The following CNNM4 variants were observed in gnomAD, a reference collection of about 807,000 sequenced individuals.
CNNM4 encodes the protein metal transporter CNNM4.
CNNM4 carries 32 observed loss-of-function variants against 53.7 expected under a neutral mutation model. The ratio of observed to expected loss-of-function variants is 0.60; its 90% confidence interval spans 0.45 to 0.80. The LOEUF (loss-of-function observed/expected upper bound fraction) is 0.80. Among genes scored for constraint, CNNM4 ranks in the 30% least tolerant of loss-of-function variants. The pLI is 0.00. For missense variants in CNNM4, 784 were observed against 1,022.0 expected (o/e 0.77, Z 3.17); for synonymous variants, 410 against 440.0 (o/e 0.93, Z 0.85).
chr2:96,798,062 G>A (rs1429426431), intron 3 of CNNM4, among the ~76,000 whole-genome samples: 2 of 152,026 alleles, frequency 1.3e-5, no homozygotes, highest in African/African-American at 2.4e-5. Context: ...GTGCCCTCCT[G>A]TAGTCCCAGC....
intron 1 of CNNM4, among the ~76,000 whole-genome samples, chr2:96,771,184 T>G (rs1466291924): frequency 7.2e-5 from 11 of 152,082 alleles, no homozygotes; most frequent in African/African-American, 2.7e-4. Flanking sequence ...CTCACCAGAA[T>G]GTACTGTCGT....
chr2:96,794,276 G>T (rs967683322), intron 1 of CNNM4, among the ~76,000 whole-genome samples: 1 of 152,028 alleles, frequency 6.6e-6, no homozygotes, highest in African/African-American at 2.4e-5. Context: ...TCTCAGTTTT[G>T]TTTTTAAATT....
intron 1 of CNNM4, among the ~76,000 whole-genome samples, chr2:96,783,867 G>A (rs1229986165): frequency 6.6e-6 from 1 of 152,024 alleles, no homozygotes; most frequent in African/African-American, 2.4e-5. Context: ...TTAGTGACAT[G>A]GGAAAATACA....
chr2:96,761,716 C>T lies in CNNM4; in HGVS notation c.717C>T (p.Gly239=), dbSNP rs1253051706. The change falls in exon 1 of 7, where the codon GGC becomes GGT. Residue 239 remains glycine (G), a synonymous_variant. Transcript: ENST00000377075. This position sits in a 1 kb window ranked among gnomAD's most constrained non-coding sequence, Gnocchi z 6.0. ...AGATTGAGCCCATCCGGCGCAAGGG[C>T]AACTACCTTCTCTGCTCGTTGCTCC... ...ARKIEPIRRK[G]NYLLCSLLLG... 6.2e-7 allele frequency: 1 copy of T among 1,609,624 alleles called. No individual in the cohort carries two copies. Among genetic ancestry groups the T allele is most frequent in the East Asian group, 2.2e-5 (1 of 44,884 alleles).
chr2:96,793,860 C>T (rs2079081889), intron 1 of CNNM4, among the ~76,000 whole-genome samples: 1 of 152,140 alleles, frequency 6.6e-6, no homozygotes, highest in Admixed American at 6.5e-5. Flanking sequence ...GAGGCTGAGG[C>T]AGGAGAATCG....
chr2:96,784,466 T>A (rs975134533), intron 1 of CNNM4, among the ~76,000 whole-genome samples: 1 of 152,166 alleles, frequency 6.6e-6, no homozygotes, highest in Non-Finnish European at 1.5e-5. Context: ...ATTAGATTAT[T>A]ATCTCTACTT....
chr2:96,767,866 T>A (rs2078832413), intron 1 of CNNM4, among the ~76,000 whole-genome samples: 1 of 152,214 alleles, frequency 6.6e-6, no homozygotes, highest in South Asian at 2.1e-4. Context: ...GGCTAGGAGT[T>A]CGAGACCAGC....
intron 1 of CNNM4, among the ~76,000 whole-genome samples, chr2:96,787,968 G>T (rs2079029041): frequency 6.6e-6 from 1 of 152,252 alleles, no homozygotes; most frequent in Non-Finnish European, 1.5e-5. Flanking sequence ...TGTTGCCCAG[G>T]CTGGAGTGCA....
Position 96,810,900 on chromosome 2 carries a change from CA to C in CNNM4, c.*1384del, listed in dbSNP as rs1417687824. On this transcript the variant is annotated 3_prime_UTR_variant, in exon 7 of 7. Transcript: ENST00000377075. This position sits in a 1 kb window ranked among gnomAD's most constrained non-coding sequence, Gnocchi z 4.1. ...TGGCGCCTCTTCCCTGGGGCTGAAT[CA>C]GGCCCTGCTGCAAAACTCCAGGCTT... 2 of 152,370 alleles carry C rather than the reference CA, an allele frequency of 1.3e-5. No homozygotes were observed. The highest frequency in any genetic ancestry group is 4.8e-5 in the African/African-American group (2 of 41,458). 9.4% of individuals were successfully genotyped at this position (152,370 alleles called of 1,614,324 possible). A position where few individuals can be genotyped will look rare whatever the true frequency, so the allele number is the denominator to read the frequency against.
rs2079155573 is a variant in CNNM4, at chr2:96,801,321, C to G, written c.1948+1673C>G. On this transcript the variant is annotated intron_variant, in intron 5 of 6. Transcript: ENST00000377075. The surrounding 1 kb of genome is among the most constrained non-coding windows in gnomAD (Gnocchi z 5.6). ...TGCTGCCTCAGCTCTAGAAGGGGCC[C>G]CCAAAGATCTCTTGGTGCTTGAGAT... 6.6e-6 allele frequency among the ~76,000 whole-genome samples: 1 copy of G among 152,114 alleles called. No individual in the cohort carries two copies. The highest frequency in any genetic ancestry group is 6.6e-5 in the Admixed American group (1 of 15,266).
At position 96,800,841 on chromosome 2, in the gene CNNM4, C is replaced by T. The variant is rs1243832310; in HGVS notation, c.1948+1193C>T. ...TCTCTCTGTTCCCACTTGGTGTGGC[C>T]AGAAGAGAGGGGAGATGACTGGGCA... is the stretch of plus-strand genomic sequence containing the variant. On this transcript the variant is annotated intron_variant, in intron 5 of 6. Coordinates refer to ENST00000377075, the MANE Select transcript of CNNM4 (RefSeq NM_020184.4). This position sits in a 1 kb window ranked among gnomAD's most constrained non-coding sequence, Gnocchi z 4.6. Among the ~76,000 whole-genome samples the T allele has an allele frequency of 2.0e-5, 3 of 151,920 alleles. No homozygotes were observed. The highest frequency in any genetic ancestry group is 7.3e-5 in the African/African-American group (3 of 41,172).
chr2:96,789,189 GC>G (rs1025629955), intron 1 of CNNM4, among the ~76,000 whole-genome samples: 1 of 152,104 alleles, frequency 6.6e-6, no homozygotes, highest in African/African-American at 2.4e-5. Context: ...GGAGATAGAC[GC>G]CGGTCAGCCG....
chr2:96,781,641 G>A (rs1211816385), intron 1 of CNNM4, among the ~76,000 whole-genome samples: 3 of 152,190 alleles, frequency 2.0e-5, no homozygotes, highest in African/African-American at 7.2e-5. Context: ...CACCAACCAG[G>A]AAGCTCAGTG....
In CNNM4 at chr2:96,768,877, G is replaced by A. The variant is rs192759293; in HGVS notation, c.1402+6476G>A. ...TGGCCCTGGACCACACCAGTGTGCA[G>A]TAACATCTAGGCAGGCATGCAGGGG... is the stretch of plus-strand genomic sequence containing the variant. On this transcript the variant is annotated intron_variant, in intron 1 of 6. Transcript: ENST00000377075. Among the ~76,000 whole-genome samples, 22 of 152,334 alleles carry A rather than the reference G, an allele frequency of 1.4e-4. No homozygotes were observed. The East Asian group carries it at 4.2e-3, about 29-fold the overall frequency.
At chr2:96,776,196 AT>A (rs1024855885) in intron 1 of CNNM4, among the ~76,000 whole-genome samples, 3 of 150,722 alleles carry the variant, frequency 2.0e-5, no homozygotes, top group African/African-American at 7.3e-5. Flanking sequence ...CGCCTGGCTA[AT>A]TTTTTATATT....
Position 96,809,402 on chromosome 2 carries a change from C to G in CNNM4, c.2213C>G (p.Thr738Ser). ...CAGTTTCCCATAGACGGGTGCACCACCCACATGGAGAACTTGGCCGAGAAG... is the reference window on the plus strand; with the variant it reads ...CAGTTTCCCATAGACGGGTGCACCAGCCACATGGAGAACTTGGCCGAGAAG... ...SPQFPIDGCT[T>S]HMENLAEKSE... Residue 738 changes from threonine to serine, a missense_variant, in exon 7 of 7, where the codon ACC becomes AGC. Around this residue, in one of 3 missense-constraint regions of CNNM4, gnomAD observed 307 missense variants for 376.3 expected, o/e 0.82. Coordinates refer to ENST00000377075, the MANE Select transcript of CNNM4 (RefSeq NM_020184.4). 1.2e-6 allele frequency: 2 copies of G among 1,614,198 alleles called. No homozygotes were observed. Among genetic ancestry groups the G allele is most frequent in the Non-Finnish European group, 1.7e-6 (2 of 1,180,032 alleles).
Position 96,799,241 on chromosome 2 carries a change from C to T in CNNM4, c.1851+15C>T. ...TCATCCTGCAGGTGAGCCCGCTCAG[C>T]CCTGGGCCTGCCACCTGCTCCCCCT... is the stretch of plus-strand genomic sequence containing the variant. On this transcript the variant is annotated intron_variant, in intron 4 of 6. Transcript: ENST00000377075. 2 of 1,614,090 alleles carry T rather than the reference C, an allele frequency of 1.2e-6. No homozygotes were observed. Among genetic ancestry groups the T allele is most frequent in the Non-Finnish European group, 1.7e-6 (2 of 1,179,996 alleles).
chr2:96,762,698 GAC>G (rs2078776947), intron 1 of CNNM4, among the ~76,000 whole-genome samples: 1 of 152,166 alleles, frequency 6.6e-6, no homozygotes, highest in Non-Finnish European at 1.5e-5. Context: ...GACAGAGTAA[GAC>G]AGATGCCTGA....
intron 1 of CNNM4, among the ~76,000 whole-genome samples, chr2:96,779,466 G>A (rs1259707439): frequency 7.0e-6 from 1 of 142,854 alleles, no homozygotes; most frequent in Non-Finnish European, 1.5e-5. Context: ...CTAAGATTGT[G>A]CCACTGCCCT....
Sources: allele counts gnomAD v4.1 joint callset (sites outside exome capture counted in the v4.1 genomes callset), GRCh38; gene constraint gnomAD v4.1.1; regional missense constraint gnomAD v4.1.1; non-coding constraint Gnocchi (gnomAD v3.1); transcripts MANE v1.5; gene names NCBI Gene and HGNC (gene_info 2026-07-23, HGNC 2026-07-21).